The following CACNA1C variants were observed in gnomAD, a reference collection of about 807,000 sequenced individuals.
The protein encoded by CACNA1C is voltage-dependent L-type calcium channel subunit alpha-1C.
In CACNA1C, 30 loss-of-function variants were observed where a neutral mutation model predicts 229.0. That is an observed-to-expected ratio of 0.13 (90% CI 0.10 to 0.18). CACNA1C has a LOEUF of 0.18. Ranked by LOEUF, CACNA1C falls within the 10% of genes least tolerant of loss-of-function variation. The pLI is 1.00. For synonymous variants in CACNA1C, 1,114 were observed against 1,132.5 expected (o/e 0.98, Z 0.33); for missense variants, 1,658 against 2,845.0 (o/e 0.58, Z 9.49).
At chr12:2,459,552 C>G (rs1040827428) in intron 5 of CACNA1C, among the ~76,000 whole-genome samples, 2 of 152,192 alleles carry the variant, frequency 1.3e-5, no homozygotes, top group African/African-American at 4.8e-5. Context: ...ACAATTAAAG[C>G]AGACTTTCTC....
intron 43 of CACNA1C, among the ~76,000 whole-genome samples, chr12:2,685,222 C>A (rs922071115): frequency 6.0e-5 from 9 of 150,954 alleles, no homozygotes; most frequent in African/African-American, 2.2e-4. Flanking sequence ...CCATGAGGTC[C>A]CTCACAGCCC....
chr12:2,378,773 A>G (rs10848653), intron 3 of CACNA1C, among the ~76,000 whole-genome samples: 53,704 of 145,942 alleles, frequency 0.37, 9,774 homozygotes, highest in Non-Finnish European at 0.42. Flanking sequence ...TTGTTTGTTT[A>G]TTTGGGTCCT....
rs1305875087 is a variant in CACNA1C at position 2,115,507 on chromosome 12, C to T, written c.333C>T (p.Asn111=). 2 of 1,613,506 alleles carry T rather than the reference C, an allele frequency of 1.2e-6. No individual in the cohort carries two copies. Among genetic ancestry groups the T allele is most frequent in the South Asian group, 1.1e-5 (1 of 91,090 alleles). Residue 111 remains asparagine, a synonymous_variant, in exon 2 of 47, where the codon AAC becomes AAT. Coordinates refer to ENST00000399655, the MANE Select transcript of CACNA1C (RefSeq NM_000719.7). ...PRALLCLTLK[N]PIRRACISIV... ...CCCTGCTCTGCCTGACCCTGAAGAA[C>T]CCCATCCGGAGGGCCTGCATCAGCA...
intron 3 of CACNA1C, among the ~76,000 whole-genome samples, chr12:2,347,007 C>T (rs1463993563): frequency 6.6e-6 from 1 of 152,136 alleles, no homozygotes; most frequent in Non-Finnish European, 1.5e-5. Flanking sequence ...GGCCATCTGA[C>T]CCCCTTTCAA....
intron 9 of CACNA1C, among the ~76,000 whole-genome samples, chr12:2,522,189 T>G (rs902761482): frequency 3.9e-5 from 6 of 152,188 alleles, no homozygotes; most frequent in Non-Finnish European, 7.3e-5. Flanking sequence ...CTGTCAGCAC[T>G]CAACCCTCAC....
At chr12:2,329,685 G>A (rs1282017253) in intron 3 of CACNA1C, among the ~76,000 whole-genome samples, 2 of 152,164 alleles carry the variant, frequency 1.3e-5, no homozygotes, top group Non-Finnish European at 2.9e-5. Flanking sequence ...GTGATTATGG[G>A]GACATGGTGA....
chr12:2,240,744 G>A (rs1249756940), intron 3 of CACNA1C, among the ~76,000 whole-genome samples: 1 of 146,142 alleles, frequency 6.8e-6, no homozygotes, highest in Non-Finnish European at 1.5e-5. Flanking sequence ...ACATGGTTAG[G>A]TGGGCACGCG....
At chr12:2,675,439 A>G (rs1395666988) in intron 39 of CACNA1C, among the ~76,000 whole-genome samples, 1 of 152,198 alleles carries the variant, frequency 6.6e-6, no homozygotes, top group Non-Finnish European at 1.5e-5. Flanking sequence ...AGTATATTAA[A>G]TAAGTGTGTG....
intron 3 of CACNA1C, among the ~76,000 whole-genome samples, chr12:2,442,128 T>C (rs1279360565): frequency 6.6e-6 from 1 of 152,214 alleles, no homozygotes; most frequent in Non-Finnish European, 1.5e-5. Flanking sequence ...TAAAGACTCA[T>C]CATTATTATT....
intron 1 of CACNA1C, among the ~76,000 whole-genome samples, chr12:2,085,289 C>A (rs2067160285): frequency 6.6e-6 from 1 of 152,188 alleles, no homozygotes. Context: ...GCAATGTCAA[C>A]CTTTTCCATT....
At position 2,493,375 on chromosome 12, in the gene CACNA1C, G is replaced by A. The variant is rs768152404; in HGVS notation, c.1102G>A (p.Val368Met). Residue 368 changes from valine (V) to methionine (M), a missense_variant, in exon 7 of 47, where the codon GTG becomes ATG. Transcript: ENST00000399655. This position sits in a 1 kb window ranked among gnomAD's most constrained non-coding sequence, Gnocchi z 4.6. ...CATCACCATGGAGGGCTGGACGGAC[G>A]TGCTGTACTGGGTACGTAGCATGAG... Reference protein sequence around the residue: ...QCITMEGWTDVLYWVNDAVGR... With the variant: ...QCITMEGWTDMLYWVNDAVGR... 3.1e-6 allele frequency: 5 copies of A among 1,613,794 alleles called. No individual in the cohort carries two copies. The highest frequency in any genetic ancestry group is 2.2e-5 in the East Asian group (1 of 44,886).
At chr12:2,163,953 C>T (rs1300971564) in intron 3 of CACNA1C, among the ~76,000 whole-genome samples, 2 of 152,056 alleles carry the variant, frequency 1.3e-5, no homozygotes, top group African/African-American at 4.8e-5. Flanking sequence ...CCAAAAGTGA[C>T]GTCTCTTTCT....
At chr12:2,455,228 A>G (rs60009919) in intron 4 of CACNA1C, among the ~76,000 whole-genome samples, 3 of 152,332 alleles carry the variant, frequency 2.0e-5, no homozygotes, top group East Asian at 3.9e-4. Flanking sequence ...CACTTCTAGT[A>G]ACCCCCTTTT....
intron 3 of CACNA1C, among the ~76,000 whole-genome samples, chr12:2,258,615 G>A (rs978835548): frequency 2.0e-5 from 3 of 152,158 alleles, no homozygotes; most frequent in Non-Finnish European, 4.4e-5. Flanking sequence ...ACTGGGACTG[G>A]GTTTCCCAAC....
chr12:2,453,465 G>T (rs1430817315), intron 4 of CACNA1C, among the ~76,000 whole-genome samples: 1 of 152,120 alleles, frequency 6.6e-6, no homozygotes, highest in Non-Finnish European at 1.5e-5. Context: ...GAAGAAACAC[G>T]ACCCAGCGTG....
At chr12:2,229,004 C>G (rs1000610733) in intron 3 of CACNA1C, among the ~76,000 whole-genome samples, 2 of 152,132 alleles carry the variant, frequency 1.3e-5, no homozygotes, top group Non-Finnish European at 2.9e-5. Flanking sequence ...CTCAAGAGAG[C>G]TCAGTTTGGT....
chr12:2,400,794 G>C (rs1191446083), intron 3 of CACNA1C, among the ~76,000 whole-genome samples: 1 of 152,194 alleles, frequency 6.6e-6, no homozygotes, highest in Non-Finnish European at 1.5e-5. Flanking sequence ...CACCTGGGCA[G>C]AGATGTACAC....
At chr12:2,341,632 T>C (rs1378102788) in intron 3 of CACNA1C, among the ~76,000 whole-genome samples, 1 of 152,224 alleles carries the variant, frequency 6.6e-6, no homozygotes, top group Non-Finnish European at 1.5e-5. Context: ...CTTCTTGCCT[T>C]TGTGGGTTTG....
chr12:2,404,033 C>T (rs2154551791), intron 3 of CACNA1C, among the ~76,000 whole-genome samples: 1 of 152,344 alleles, frequency 6.6e-6, no homozygotes, highest in Admixed American at 6.5e-5. Flanking sequence ...CTCAGGATCC[C>T]CTAGGCTGGT....
Sources: allele counts gnomAD v4.1 joint callset (sites outside exome capture counted in the v4.1 genomes callset), GRCh38; gene constraint gnomAD v4.1.1; non-coding constraint Gnocchi (gnomAD v3.1); transcripts MANE v1.5; gene names NCBI Gene and HGNC (gene_info 2026-07-23, HGNC 2026-07-21).